Variants in ARHGEF3 observed in about 807,000 individuals in gnomAD.
ARHGEF3 encodes the protein Rho guanine nucleotide exchange factor 3.
A neutral mutation model predicts 63.2 loss-of-function variants in ARHGEF3; 28 were observed. The observed-to-expected ratio is 0.44, with a 90% CI of 0.33 to 0.61. ARHGEF3 has a LOEUF of 0.61. Among genes scored for constraint, ARHGEF3 ranks in the 20% least tolerant of loss-of-function variants. ARHGEF3 has a pLI of 0.03. For synonymous variants in ARHGEF3, 266 were observed against 254.2 expected, an observed-to-expected ratio of 1.05 and a Z score of -0.44; for missense variants, 533 against 659.3, an observed-to-expected ratio of 0.81 and a Z score of 2.10.
rs10655156 is a variant in ARHGEF3, at chr3:57,037,876, A to AAAAACAAAACAAAAC, written c.-27-2715_-27-2701dup. Reference sequence around the variant, plus strand: ...GGCGACAGAGCAAGACTCCGTCTCAAAAAACAAAACAAAACAAAACAAAAC... The same window carrying AAAAACAAAACAAAAC: ...GGCGACAGAGCAAGACTCCGTCTCAAAAAACAAAACAAAACAAAACAAAACAAAACAAAACAAAAC... On this transcript the variant is annotated intron_variant, in intron 1 of 12. Coordinates refer to the ARHGEF3 transcript ENST00000338458. Among the ~76,000 whole-genome samples the AAAAACAAAACAAAAC allele has an allele frequency of 1.6e-3, 241 of 146,492 alleles. 1 individual carries two copies. The highest frequency in any genetic ancestry group is 3.1e-3 in the South Asian group (14 of 4,570).
intron 1 of ARHGEF3, among the ~76,000 whole-genome samples, chr3:56,776,827 C>T (rs900361907): frequency 6.6e-6 from 1 of 152,276 alleles, no homozygotes; most frequent in South Asian, 2.1e-4. Context: ...AAGGTCAATG[C>T]TAAACCCAGG....
Position 56,745,291 on chromosome 3 carries a change from G to C in ARHGEF3, c.784C>G (p.Arg262Gly). The C allele has an allele frequency of 1.2e-6, 2 of 1,613,964 alleles. No individual in the cohort carries two copies. Among genetic ancestry groups the C allele is most frequent in the Non-Finnish European group, 1.7e-6 (2 of 1,180,014 alleles). Residue 262 changes from arginine to glycine, a missense_variant, in exon 7 of 10, where the codon CGC becomes GGC. Transcript: ENST00000296315. ...AGAAGCAGAGGGTATTTTACCAGGC[G>C]GCTTCTTGGAATATCGAGGAAATTC... ...LWNFLDIPRS[R>G]LVKYPLLLRE...
At chr3:56,731,618 C>T (rs1402201317) in intron 9 of ARHGEF3, 2 of 108,220 alleles carry the variant, frequency 1.8e-5, no homozygotes, top group East Asian at 3.6e-4. Flanking sequence ...CTTAACAACA[C>T]CTGGAGTATT....
intron 4 of ARHGEF3, among the ~76,000 whole-genome samples, chr3:56,849,508 T>C (rs1417090045): frequency 6.6e-6 from 1 of 152,138 alleles, no homozygotes; most frequent in Non-Finnish European, 1.5e-5. Context: ...TTCCCAGGGT[T>C]GTGGAAAGGA....
chr3:56,894,345 G>A (rs2041229634), intron 3 of ARHGEF3, among the ~76,000 whole-genome samples: 1 of 152,112 alleles, frequency 6.6e-6, no homozygotes, highest in Admixed American at 6.5e-5. Context: ...ATAAAATATT[G>A]TTGAATGAAT....
chr3:56,754,925 G>A (rs945493343), intron 3 of ARHGEF3, 56 bp downstream of exon 3: 4 of 1,602,248 alleles, frequency 2.5e-6, no homozygotes, highest in Middle Eastern at 1.7e-4. Context: ...CATGGCTGAC[G>A]CTGCAATGCA....
chr3:56,927,135 T>A (rs1262017766), intron 3 of ARHGEF3, among the ~76,000 whole-genome samples: 1 of 152,252 alleles, frequency 6.6e-6, no homozygotes, highest in East Asian at 1.9e-4. Context: ...CCTGATCATT[T>A]ACTTAACTTC....
chr3:56,753,575 A>G lies in ARHGEF3; in HGVS notation c.376-9T>C, dbSNP rs377176750. The G allele has an allele frequency of 1.3e-4, 211 of 1,612,566 alleles. 1 individual carries two copies. Among genetic ancestry groups the G allele is most frequent in the South Asian group, 1.1e-3 (102 of 90,990 alleles). On this transcript the variant is annotated splice_polypyrimidine_tract_variant and intron_variant, in intron 3 of 9. Coordinates refer to ENST00000296315, the MANE Select transcript of ARHGEF3 (RefSeq NM_019555.3). ...GAAAGCTCAAAGATCGCCTGCAAGG[A>G]AAGATAAACATATTCACTGAATTCT...
rs528537082 is a variant in ARHGEF3, at chr3:56,947,720, G to A, written c.129+11103C>T. Among the ~76,000 whole-genome samples, 98 of 152,194 alleles carry A rather than the reference G, an allele frequency of 6.4e-4. No homozygotes were observed. The Middle Eastern group carries it at 0.027, about 42-fold the overall frequency. On this transcript the variant is annotated intron_variant, in intron 3 of 12. Transcript: ENST00000338458. ...CACTGTCAACATCAGACAGATCAACGAGACAGAAAGTTAACAAGGATATTG... is the reference window on the plus strand; with the variant it reads ...CACTGTCAACATCAGACAGATCAACAAGACAGAAAGTTAACAAGGATATTG...
intron 4 of ARHGEF3, among the ~76,000 whole-genome samples, chr3:56,844,301 C>T (rs1237446897): frequency 6.6e-6 from 1 of 152,112 alleles, no homozygotes; most frequent in Non-Finnish European, 1.5e-5. Flanking sequence ...AAGGTAAATC[C>T]ATCATGGTGC....
chr3:56,964,881 T>C (rs111921480), intron 2 of ARHGEF3, among the ~76,000 whole-genome samples: 158 of 151,926 alleles, frequency 1.0e-3, no homozygotes, highest in African/African-American at 3.6e-3. Flanking sequence ...ACAAACAAAA[T>C]AGACATTAAA....
chr3:56,775,567 T>G lies in ARHGEF3; in HGVS notation c.97-1751A>C, dbSNP rs182285938. 1.6e-4 allele frequency: 154 copies of G among 985,858 alleles called. 1 individual carries two copies. In the African/African-American group the frequency reaches 2.5e-3, roughly 16 times the overall value. The allele number at this position is 985,858 out of a possible 1,614,324, so 61.1% of individuals were successfully genotyped here. ...TCTCAGAACACTAGGAAGGCTCAGT[T>G]CCAAAATGCAGAGGATGAATCTCCC... On this transcript the variant is annotated intron_variant, in intron 1 of 9. Transcript: ENST00000296315.
rs549501587 is a variant in ARHGEF3, at chr3:56,934,784, C to T, written c.129+24039G>A. 9.2e-5 allele frequency among the ~76,000 whole-genome samples: 14 copies of T among 152,362 alleles called. 1 individual carries two copies. In the South Asian group the frequency reaches 2.5e-3, roughly 27 times the overall value. On this transcript the variant is annotated intron_variant, in intron 3 of 12. Coordinates refer to the ARHGEF3 transcript ENST00000338458. The stretch of plus-strand genomic sequence containing the variant: ...GGCTCCTGTGCGGCCCCAGCCTCCC[C>T]GACGAGCGCCACCCCCTGCTCCACT...
chr3:57,068,184 C>CA (rs765016390), intron 1 of ARHGEF3, among the ~76,000 whole-genome samples: 79 of 151,680 alleles, frequency 5.2e-4, no homozygotes, highest in Non-Finnish European at 9.0e-4. Flanking sequence ...CACACACACA[C>CA]ACACACCAGG....
At chr3:57,072,737 A>AAT (rs1315574916) in intron 1 of ARHGEF3, among the ~76,000 whole-genome samples, 2 of 150,602 alleles carry the variant, frequency 1.3e-5, no homozygotes, top group East Asian at 4.0e-4. Context: ...AAAAAAAAAA[A>AAT]AAAAAAGAAT....
intron 1 of ARHGEF3, chr3:57,074,495 C>T: frequency 3.5e-6 from 2 of 576,718 alleles, no homozygotes; most frequent in South Asian, 4.4e-5. Context: ...GGCACAAGGT[C>T]ACACAATCCA....
intron 1 of ARHGEF3, among the ~76,000 whole-genome samples, chr3:56,781,971 G>A (rs2036586877): frequency 6.6e-6 from 1 of 152,148 alleles, no homozygotes; most frequent in Non-Finnish European, 1.5e-5. Flanking sequence ...GACAACACAG[G>A]AACGTAGGGC....
At chr3:57,071,010 AAAG>A (rs2107399484) in intron 1 of ARHGEF3, among the ~76,000 whole-genome samples, 1 of 151,726 alleles carries the variant, frequency 6.6e-6, no homozygotes, top group South Asian at 2.1e-4. Context: ...GAAAAAAGAA[AAAG>A]AAGGACAAAG....
intron 8 of ARHGEF3, among the ~76,000 whole-genome samples, chr3:56,734,641 G>A (rs959721658): frequency 6.6e-6 from 1 of 152,174 alleles, no homozygotes; most frequent in African/African-American, 2.4e-5. Flanking sequence ...GATAGTGGGA[G>A]CACATTCAAT....
Sources: allele counts gnomAD v4.1 joint callset (sites outside exome capture counted in the v4.1 genomes callset), GRCh38; gene constraint gnomAD v4.1.1; transcripts MANE v1.5; gene names NCBI Gene and HGNC (gene_info 2026-07-23, HGNC 2026-07-21).